SDK1: variants seen among roughly 807,000 people sequenced by gnomAD.
SDK1 encodes sidekick cell adhesion molecule 1.
In SDK1, 157 loss-of-function variants were observed where a neutral mutation model predicts 245.5. That is an observed-to-expected ratio of 0.64 (90% confidence interval 0.56 to 0.73). The LOEUF is 0.73. SDK1 is among the 30% of genes least tolerant of loss of function. The pLI, the probability that SDK1 is intolerant of heterozygous loss-of-function variation, is 0.00. For synonymous variants in SDK1, 1,647 were observed against 1,278.5 expected (o/e 1.29, Z -6.15); for missense variants, 3,583 against 3,002.3 (o/e 1.19, Z -4.52).
At chr7:3,754,283 A>G (rs762512091) in intron 4 of SDK1, among the ~76,000 whole-genome samples, 10 of 152,224 alleles carry the variant, frequency 6.6e-5, no homozygotes, top group South Asian at 2.1e-4. Flanking sequence ...TTAATGTATT[A>G]CACCCTTCAG....
At chr7:3,958,042 C>A (rs1781403163) in intron 7 of SDK1, 3 of 470,254 alleles carry the variant, frequency 6.4e-6, no homozygotes, top group South Asian at 4.7e-5. Context: ...TCTTTTAGGT[C>A]CCACCTTGTT....
At chr7:3,633,560 G>A (rs1583251047) in intron 2 of SDK1, among the ~76,000 whole-genome samples, 1 of 152,106 alleles carries the variant, frequency 6.6e-6, no homozygotes, top group South Asian at 2.1e-4. Flanking sequence ...ATCTTCCCAT[G>A]ATTTTTAGTG....
intron 4 of SDK1, among the ~76,000 whole-genome samples, chr7:3,730,622 G>C (rs1242167386): frequency 6.6e-6 from 1 of 152,134 alleles, no homozygotes; most frequent in Non-Finnish European, 1.5e-5. Context: ...TTTTTCTCTG[G>C]GAAGGAAGCC....
At chr7:4,113,210 A>C in intron 23 of SDK1, 79 bp from the exon 24 acceptor site, 1 of 1,469,752 alleles carries the variant, frequency 6.8e-7, no homozygotes, top group Middle Eastern at 1.8e-4. Context: ...CTTGAGAAAC[A>C]GTCAGCGCCT....
chr7:3,504,711 T>TAA (rs1562527210), intron 1 of SDK1, among the ~76,000 whole-genome samples: 1 of 151,304 alleles, frequency 6.6e-6, no homozygotes, highest in Admixed American at 6.6e-5. Context: ...AACATTGGAG[T>TAA]AAATCTTCAT....
At chr7:4,112,851 T>C (rs1417448224) in intron 23 of SDK1, among the ~76,000 whole-genome samples, 1 of 152,058 alleles carries the variant, frequency 6.6e-6, no homozygotes, top group Non-Finnish European at 1.5e-5. Context: ...CTTCCCTGGT[T>C]CAAGCCATTC....
At chr7:3,801,299 C>T (rs1444511266) in intron 4 of SDK1, among the ~76,000 whole-genome samples, 2 of 152,172 alleles carry the variant, frequency 1.3e-5, no homozygotes, top group Non-Finnish European at 2.9e-5. Flanking sequence ...AATATGTCTT[C>T]ACTTCTCTTT....
Position 4,127,472 on chromosome 7 carries a change from G to C in SDK1, c.3915G>C (p.Gln1305His), listed in dbSNP as rs1294851781. Residue 1305 changes from glutamine (Q) to histidine (H), a missense_variant, in exon 26 of 45, where the codon CAG (glutamine) becomes CAC (histidine). By Grantham distance (24) the Gln-to-His change is conservative. Coordinates refer to ENST00000404826, the MANE Select transcript of SDK1 (RefSeq NM_152744.4). ...LTWTSVPEQD[Q>H]NGLILGYKIL... ...GGACATCCGTGCCGGAACAGGACCAGAATGGGCTCATACTGGGCTACAAGG... is the reference window on the plus strand; with the variant it reads ...GGACATCCGTGCCGGAACAGGACCACAATGGGCTCATACTGGGCTACAAGG... 6.2e-7 allele frequency: 1 copy of C among 1,613,942 alleles called. No homozygotes were observed. The highest frequency in any genetic ancestry group is 8.5e-7 in the Non-Finnish European group (1 of 1,179,890).
At chr7:3,659,518 T>C (rs1783289049) in intron 4 of SDK1, among the ~76,000 whole-genome samples, 1 of 152,174 alleles carries the variant, frequency 6.6e-6, no homozygotes, top group South Asian at 2.1e-4. Flanking sequence ...GAGCCTGGTG[T>C]GTTCCAAGGC....
chr7:3,663,559 G>T (rs541318982), intron 4 of SDK1, among the ~76,000 whole-genome samples: 5 of 152,180 alleles, frequency 3.3e-5, no homozygotes, highest in Non-Finnish European at 7.3e-5. Context: ...AGAGATTGCT[G>T]TTTAGACCAT....
At chr7:3,318,666 C>T (rs1189022653) in intron 1 of SDK1, among the ~76,000 whole-genome samples, 1 of 152,166 alleles carries the variant, frequency 6.6e-6, no homozygotes, top group African/African-American at 2.4e-5. Context: ...GAACTTATCC[C>T]CAACAAATGT....
rs374341840 is a variant in SDK1, at chr7:4,125,929, C to A, written c.3824-1452C>A. Among the ~76,000 whole-genome samples the A allele has an allele frequency of 7.2e-5, 11 of 152,316 alleles. No individual in the cohort carries two copies. In the South Asian group the frequency reaches 1.0e-3, roughly 14 times the overall value. ...TCAGAGCAGCATCTCCAGCTCCCAC[C>A]CTGAGTCCGGCCTTACTCCATCACT... On this transcript the variant is annotated intron_variant, in intron 25 of 44. Coordinates refer to ENST00000404826, the MANE Select transcript of SDK1 (RefSeq NM_152744.4).
intron 1 of SDK1, among the ~76,000 whole-genome samples, chr7:3,617,153 A>T (rs1026800026): frequency 6.6e-6 from 1 of 152,202 alleles, no homozygotes. Context: ...TATATATATA[A>T]GGCATTTAGA....
intron 2 of SDK1, among the ~76,000 whole-genome samples, chr7:3,627,717 T>A (rs1782163191): frequency 6.6e-6 from 1 of 152,216 alleles, no homozygotes; most frequent in African/African-American, 2.4e-5. Context: ...ACATGACCGA[T>A]TGATGTCCCA....
intron 14 of SDK1, among the ~76,000 whole-genome samples, chr7:3,997,841 C>T (rs1233072704): frequency 6.6e-6 from 1 of 152,204 alleles, no homozygotes; most frequent in Non-Finnish European, 1.5e-5. Context: ...AGGAGTCTGT[C>T]TGCCTCCTGC....
intron 14 of SDK1, among the ~76,000 whole-genome samples, chr7:4,002,025 G>C (rs1171537969): frequency 6.6e-6 from 1 of 152,246 alleles, no homozygotes; most frequent in Non-Finnish European, 1.5e-5. Context: ...TTCTACAAAT[G>C]TATTTACCAG....
intron 5 of SDK1, among the ~76,000 whole-genome samples, chr7:3,908,778 G>A (rs1373505644): frequency 3.9e-5 from 6 of 152,084 alleles, no homozygotes; most frequent in East Asian, 1.9e-4. Context: ...TGTCTAGAGC[G>A]GGAGTCAGGA....
chr7:4,238,373 C>T (rs533694415), intron 42 of SDK1, among the ~76,000 whole-genome samples: 1 of 152,076 alleles, frequency 6.6e-6, no homozygotes, highest in Admixed American at 6.5e-5. Flanking sequence ...AGCCACGGTG[C>T]CCAACCTAAT....
At chr7:3,751,984 G>A (rs886166929) in intron 4 of SDK1, among the ~76,000 whole-genome samples, 7 of 152,338 alleles carry the variant, frequency 4.6e-5, no homozygotes, top group Non-Finnish European at 1.0e-4. Context: ...TTTGAGATAG[G>A]CAGAAGAGGA....
Sources: gnomAD v4.1 joint callset for allele counts (sites outside exome capture counted in the v4.1 genomes callset) on GRCh38, gnomAD v4.1.1 for gene constraint, MANE v1.5 for transcripts, NCBI Gene and HGNC (gene_info 2026-07-23, HGNC 2026-07-21) for gene names.